ZFP37: variants seen among roughly 807,000 people sequenced by gnomAD.
ZFP37 encodes the protein zinc finger protein 37 homolog.
ZFP37 carries 38 observed loss-of-function variants against 52.1 expected under a neutral mutation model. The ratio of observed to expected loss-of-function variants is 0.73; its 90% CI spans 0.56 to 0.96. The LOEUF is 0.96. ZFP37 is among the 40% of genes least tolerant of loss of function. The pLI is 0.00. For synonymous variants in ZFP37, 253 were observed against 259.5 expected (o/e 0.98, Z 0.24); for missense variants, 695 against 741.4 (o/e 0.94, Z 0.73).
chr9:113,042,547 A>G lies in ZFP37; in HGVS notation c.*178T>C. On this transcript the variant is annotated 3_prime_UTR_variant, in exon 4 of 4. Transcript: ENST00000374227. ...CAATATTTTTTATAAAAGGTTTTGT[A>G]TCAAGTTTAAACCCTTGTTTCCATC... is the stretch of plus-strand genomic sequence containing the variant. 6.4e-6 allele frequency: 3 copies of G among 468,494 alleles called. No homozygotes were observed. The highest frequency in any genetic ancestry group is 7.4e-6 in the Non-Finnish European group (2 of 272,022). The allele number at this position is 468,494 out of a possible 1,614,324, so 29.0% of individuals were successfully genotyped here.
chr9:113,051,003 G>C (rs950707667), intron 1 of ZFP37, among the ~76,000 whole-genome samples: 4 of 152,072 alleles, frequency 2.6e-5, no homozygotes, highest in African/African-American at 9.7e-5. Flanking sequence ...AGAAAGTTGG[G>C]GAGAAATAGA....
rs745349367 is a variant in ZFP37 at position 113,043,397 on chromosome 9, A to G, written c.1221T>C (p.Cys407=). 6.2e-7 allele frequency: 1 copy of G among 1,614,148 alleles called. No homozygotes were observed. Among genetic ancestry groups the G allele is most frequent in the Non-Finnish European group, 8.5e-7 (1 of 1,179,992 alleles). The stretch of plus-strand genomic sequence containing the variant: ...ACCTAAAAGACTTCCCACATTCCTT[A>G]CATTCATATGGCTTCTCACCTGTGT... ...RSHTGEKPYE[C]KECGKSFRYN... The change falls in exon 4 of 4, where the codon TGT becomes TGC. Residue 407 remains cysteine (C), a synonymous_variant. Coordinates refer to ENST00000374227, the MANE Select transcript of ZFP37 (RefSeq NM_003408.3).
At chr9:113,051,890 T>C (rs1829063932) in intron 1 of ZFP37, among the ~76,000 whole-genome samples, 1 of 152,152 alleles carries the variant, frequency 6.6e-6, no homozygotes, top group Admixed American at 6.5e-5. Flanking sequence ...CCTTGCCTAA[T>C]TACTGGGCCT....
intron 2 of ZFP37, 117 bp downstream of exon 2, chr9:113,049,674 T>C: frequency 6.8e-7 from 1 of 1,465,576 alleles, no homozygotes; most frequent in Non-Finnish European, 9.2e-7. Context: ...TCCTGCCTAG[T>C]ACCCAAAAAA....
Position 113,043,637 on chromosome 9 carries a change from C to A in ZFP37, c.981G>T (p.Gly327=), listed in dbSNP as rs1177081284. 1 of 1,613,874 alleles carries A rather than the reference C, an allele frequency of 6.2e-7. No homozygotes were observed. The highest frequency in any genetic ancestry group is 1.3e-5 in the African/African-American group (1 of 74,908). ...GEKPYECNEC[G]IAFSQKSHLV... ...GGTGTGACTTTTGGCTAAAGGCTATCCCACATTCATTACATTCATATGGTT... is the reference window on the plus strand; with the variant it reads ...GGTGTGACTTTTGGCTAAAGGCTATACCACATTCATTACATTCATATGGTT... The change falls in exon 4 of 4, where the codon GGG becomes GGT. Residue 327 remains glycine, a synonymous_variant. Coordinates refer to ENST00000374227, the MANE Select transcript of ZFP37 (RefSeq NM_003408.3).
At chr9:113,049,528 T>C (rs1359285461) in intron 2 of ZFP37, 32 bp from the exon 3 acceptor site, 1 of 1,598,866 alleles carries the variant, frequency 6.3e-7, no homozygotes, top group Non-Finnish European at 8.5e-7. Flanking sequence ...AACTGAGTGT[T>C]AGAACAACCA....
chr9:113,045,435 T>G (rs575471674), intron 3 of ZFP37, among the ~76,000 whole-genome samples: 1 of 152,356 alleles, frequency 6.6e-6, no homozygotes, highest in East Asian at 1.9e-4. Context: ...AACCTTGTTT[T>G]GTTTTCCAAT....
rs555573158 is a variant in ZFP37, at chr9:113,038,713, G to T, written c.*4012C>A. On this transcript the variant is annotated 3_prime_UTR_variant, in exon 4 of 4. Transcript: ENST00000374227. ...TGGGAGGAGTGCTTAAGCCTGGGAG[G>T]TAGAGATTGTAATGAGCCAAGATTG... The T allele has an allele frequency of 6.6e-6, 1 of 151,992 alleles. No homozygotes were observed. The highest frequency in any genetic ancestry group is 1.5e-5 in the Non-Finnish European group (1 of 67,994). 9.4% of individuals were successfully genotyped at this position (151,992 alleles called of 1,614,324 possible). A position where few individuals can be genotyped will look rare whatever the true frequency, so the allele number is the denominator to read the frequency against.
At position 113,042,386 on chromosome 9, in the gene ZFP37, A is replaced by G. The variant is rs1828861949; in HGVS notation, c.*339T>C. 2 of 197,628 alleles carry G rather than the reference A, an allele frequency of 1.0e-5. No homozygotes were observed. The highest frequency in any genetic ancestry group is 2.4e-5 in the African/African-American group (1 of 42,526). 12.2% of individuals were successfully genotyped at this position (197,628 alleles called of 1,614,324 possible). A position where few individuals can be genotyped will look rare whatever the true frequency, so the allele number is the denominator to read the frequency against. On this transcript the variant is annotated 3_prime_UTR_variant, in exon 4 of 4. Coordinates refer to ENST00000374227, the MANE Select transcript of ZFP37 (RefSeq NM_003408.3). ...AATATATGGTGCTTAAGTACAAAAC[A>G]AGAAGAAACACAGGAACTGTCAGCA...
Position 113,056,571 on chromosome 9 carries a change from C to T in ZFP37, c.118G>A (p.Glu40Lys), listed in dbSNP as rs761566137. The T allele has an allele frequency of 1.2e-5, 19 of 1,613,706 alleles. No homozygotes were observed. Among genetic ancestry groups the T allele is most frequent in the Non-Finnish European group, 1.5e-5 (18 of 1,179,966 alleles). The change falls in exon 1 of 4, where the codon GAG (glutamate) becomes AAG (lysine). Residue 40 changes from glutamate to lysine, a missense_variant. Around this residue, in one of 2 missense-constraint regions of ZFP37, gnomAD observed 369 missense variants for 340.9 expected, o/e 1.08. Coordinates refer to ENST00000374227, the MANE Select transcript of ZFP37 (RefSeq NM_003408.3). ...RPLEMAVSEP[E>K]ASAAEWKQLD... ...ACAGCTCTCACCGCGGCGCTGGCCT[C>T]GGGCTCGGACACAGCCATCTCCAGT...
Position 113,043,506 on chromosome 9 carries a change from T to G in ZFP37, c.1112A>C (p.His371Pro). Residue 371 changes from histidine to proline, a missense_variant, in exon 4 of 4, where the codon CAT becomes CCT. Physicochemically the swap from His to Pro is moderately conservative, Grantham distance 77 (BLOSUM62 -2). Transcript: ENST00000374227. ...KHALTDHLRI[H>P]TGEKPYECAE... ...ACATTCATAGGGCTTTTCTCCAGTA[T>G]GAATTCTTAGATGGTCAGTGAGTGC... 1 of 1,614,140 alleles carries G rather than the reference T, an allele frequency of 6.2e-7. No homozygotes were observed. The highest frequency in any genetic ancestry group is 1.1e-5 in the South Asian group (1 of 91,086).
intron 1 of ZFP37, among the ~76,000 whole-genome samples, chr9:113,051,901 A>G (rs768770458): frequency 4.6e-5 from 7 of 152,180 alleles, no homozygotes; most frequent in Non-Finnish European, 1.0e-4. Context: ...TACTGGGCCT[A>G]TAGTTCCAAA....
intron 1 of ZFP37, among the ~76,000 whole-genome samples, chr9:113,050,360 T>G (rs975957765): frequency 6.6e-5 from 10 of 151,688 alleles, no homozygotes; most frequent in African/African-American, 2.2e-4. Context: ...CACTCCAGCC[T>G]GGCTGAGAGA....
intron 1 of ZFP37, 115 bp from the exon 2 acceptor site, chr9:113,049,987 T>C: frequency 6.6e-7 from 1 of 1,516,968 alleles, no homozygotes. Context: ...AAGATAATAA[T>C]TTGTTCTTAC....
Position 113,056,707 on chromosome 9 carries a change from G to C in ZFP37, c.-19C>G, listed in dbSNP as rs371314648. 6.2e-7 allele frequency: 1 copy of C among 1,607,102 alleles called. No individual in the cohort carries two copies. On this transcript the variant is annotated 5_prime_UTR_variant, in exon 1 of 4. Transcript: ENST00000374227. ...CCGACATGGCGGCTACCCGGAGGGC[G>C]GCCTTAGCGGGTCCGGCAGCCGCGA...
Position 113,044,112 on chromosome 9 carries a change from G to T in ZFP37, c.506C>A (p.Pro169His). 3 of 1,611,334 alleles carry T rather than the reference G, an allele frequency of 1.9e-6. No homozygotes were observed. The highest frequency in any genetic ancestry group is 2.5e-6 in the Non-Finnish European group (3 of 1,179,392). Residue 169 changes from proline to histidine, a missense_variant, in exon 4 of 4, where the codon CCT (proline) becomes CAT (histidine). This residue lies in a region of ZFP37 where 369 missense variants were observed against 340.9 expected (regional missense o/e 1.08). Coordinates refer to ENST00000374227, the MANE Select transcript of ZFP37 (RefSeq NM_003408.3). Reference sequence around the variant, plus strand: ...AAATTTAAGAAGCCTTTTCTTTGAAGGAACATGTTTTTTATGCAAATTATT... The same window carrying T: ...AAATTTAAGAAGCCTTTTCTTTGAATGAACATGTTTTTTATGCAAATTATT... ...KKNNLHKKHV[P>H]SKKRLLKFES... is the part of the protein sequence containing the mutation.
rs1003718213 is a variant in ZFP37, at chr9:113,041,698, T to G, written c.*1027A>C. The stretch of plus-strand genomic sequence containing the variant: ...ACATCAAGTTTCATACTATATACTT[T>G]AGATTCATCATCATTCATGAATAAG... On this transcript the variant is annotated 3_prime_UTR_variant, in exon 4 of 4. Coordinates refer to ENST00000374227, the MANE Select transcript of ZFP37 (RefSeq NM_003408.3). 3.3e-5 allele frequency: 5 copies of G among 152,204 alleles called. No homozygotes were observed. Among genetic ancestry groups the G allele is most frequent in the Admixed American group, 3.3e-4 (5 of 15,278 alleles). 9.4% of individuals were successfully genotyped at this position (152,204 alleles called of 1,614,324 possible).
intron 3 of ZFP37, among the ~76,000 whole-genome samples, chr9:113,045,176 G>T (rs1828929116): frequency 6.6e-6 from 1 of 152,050 alleles, no homozygotes; most frequent in Non-Finnish European, 1.5e-5. Context: ...GTGGCTAAGA[G>T]AATAAATAGG....
chr9:113,049,478 G>T lies in ZFP37; in HGVS notation c.233C>A (p.Pro78Gln), dbSNP rs528582356. 6.2e-7 allele frequency: 1 copy of T among 1,613,550 alleles called. No homozygotes were observed. Among genetic ancestry groups the T allele is most frequent in the East Asian group, 2.2e-5 (1 of 44,858 alleles). ...TTTTTCCAACTTGGAGATCATGTCT[G>T]GTTTGGGAGCTTGACACCCTGCTCA... Reference protein sequence around the residue: ...QASMGCQAPKPDMISKLEKGE... With the variant: ...QASMGCQAPKQDMISKLEKGE... The change falls in exon 3 of 4, where the codon CCA (proline) becomes CAA (glutamine). Residue 78 changes from proline (P) to glutamine (Q), a missense_variant. Pro to Gln is a moderately conservative substitution (Grantham distance 76). Transcript: ENST00000374227.
Sources: gnomAD v4.1 joint callset for allele counts (sites outside exome capture counted in the v4.1 genomes callset) on GRCh38, gnomAD v4.1.1 for gene constraint, gnomAD v4.1.1 regional missense constraint, MANE v1.5 for transcripts, NCBI Gene and HGNC (gene_info 2026-07-23, HGNC 2026-07-21) for gene names.